NLRC4: variants seen among roughly 807,000 people sequenced by gnomAD.
NLRC4 encodes NLR family CARD domain containing 4.
Under a neutral mutation model 79.9 loss-of-function variants are expected in NLRC4, and 63 were observed. The ratio of observed to expected loss-of-function variants is 0.79; its 90% confidence interval spans 0.64 to 0.97. The LOEUF is 0.97. NLRC4 is among the 50% of genes least tolerant of loss of function. The pLI is 0.00. For missense variants in NLRC4, 1,074 were observed against 1,215.2 expected (o/e 0.88, Z 1.73); for synonymous variants, 461 against 456.5 (o/e 1.01, Z -0.12).
At chr2:32,243,859 T>C (rs1050139806) in intron 4 of NLRC4, among the ~76,000 whole-genome samples, 2 of 151,336 alleles carry the variant, frequency 1.3e-5, no homozygotes, top group African/African-American at 4.9e-5. Flanking sequence ...GAATGCAGGA[T>C]GCTCAATATG....
chr2:32,240,027 C>T (rs1686758975), intron 5 of NLRC4, among the ~76,000 whole-genome samples: 1 of 152,180 alleles, frequency 6.6e-6, no homozygotes, highest in Admixed American at 6.5e-5. Context: ...GTCACCGAGG[C>T]TGGAGTGCAG....
intron 2 of NLRC4, among the ~76,000 whole-genome samples, 194 bp downstream of exon 2, chr2:32,256,581 T>G (rs1487210739): frequency 1.3e-5 from 2 of 152,212 alleles, no homozygotes; most frequent in African/African-American, 4.8e-5. Flanking sequence ...GTAAGTCCTA[T>G]CCTATCTGTG....
Position 32,251,261 on chromosome 2 carries a change from G to A in NLRC4, c.603C>T (p.Phe201=), listed in dbSNP as rs2148942969. The A allele has an allele frequency of 6.2e-7, 1 of 1,614,194 alleles. No homozygotes were observed. The highest frequency in any genetic ancestry group is 8.5e-7 in the Non-Finnish European group (1 of 1,180,036). The part of the protein sequence containing the change: ...CKALTKFKFV[F]FLRLSRAQGG... ...CCTGGGCCCTGCTGAGACGGAGGAAGAAGACGAATTTGAACTTGGTCAGAG... is the reference window on the plus strand; with the variant it reads ...CCTGGGCCCTGCTGAGACGGAGGAAAAAGACGAATTTGAACTTGGTCAGAG... Residue 201 remains phenylalanine (F), a synonymous_variant, in exon 4 of 9, where the codon TTC becomes TTT. Coordinates refer to ENST00000402280, the MANE Select transcript of NLRC4 (RefSeq NM_001199138.2).
At chr2:32,244,163 T>TGAGG (rs1429967699) in intron 4 of NLRC4, among the ~76,000 whole-genome samples, 21 of 152,098 alleles carry the variant, frequency 1.4e-4, no homozygotes, top group Non-Finnish European at 2.8e-4. Context: ...GGTGGGTGGA[T>TGAGG]CTGTTGAGCC....
chr2:32,248,352 T>G (rs1288129001), intron 4 of NLRC4, among the ~76,000 whole-genome samples: 1 of 152,038 alleles, frequency 6.6e-6, no homozygotes, highest in African/African-American at 2.4e-5. Flanking sequence ...CAAACACACA[T>G]CATTATACTC....
chr2:32,259,396 C>A (rs1237975155), intron 1 of NLRC4, among the ~76,000 whole-genome samples: 1 of 150,536 alleles, frequency 6.6e-6, no homozygotes, highest in Non-Finnish European at 1.5e-5. Context: ...GAATGAGCCA[C>A]CGCGTCTGGC....
At chr2:32,247,893 T>C (rs1405102746) in intron 4 of NLRC4, among the ~76,000 whole-genome samples, 1 of 152,024 alleles carries the variant, frequency 6.6e-6, no homozygotes, top group Non-Finnish European at 1.5e-5. Context: ...GGCCATTATC[T>C]TAGGTGAAAT....
chr2:32,235,865 A>G (rs212716), intron 7 of NLRC4, among the ~76,000 whole-genome samples: 88,216 of 152,038 alleles, frequency 0.58, 25,900 homozygotes, highest in Non-Finnish European at 0.6. Flanking sequence ...AAAGCAAATC[A>G]TGGACAATAT....
intron 2 of NLRC4, among the ~76,000 whole-genome samples, chr2:32,255,399 A>AATCCCAGCTACTCGGGAGGCTGAGGC (rs1687182437): frequency 6.6e-6 from 1 of 152,012 alleles, no homozygotes. Flanking sequence ...ACATGCCTGT[A>AATCCCAGCTACTCGGGAGGCTGAGGC]ATCCCAGCTA....
intron 4 of NLRC4, among the ~76,000 whole-genome samples, chr2:32,248,733 T>C (rs1277329965): frequency 6.7e-6 from 1 of 150,162 alleles, no homozygotes; most frequent in Non-Finnish European, 1.5e-5. Flanking sequence ...ACCACTGCAC[T>C]CCCACCTGGG....
intron 4 of NLRC4, among the ~76,000 whole-genome samples, chr2:32,242,431 G>GA (rs1686827931): frequency 6.6e-6 from 1 of 152,088 alleles, no homozygotes; most frequent in Admixed American, 6.6e-5. Context: ...CCAATTTTTT[G>GA]AAAACCACAA....
Position 32,224,705 on chromosome 2 carries a change from C to T in NLRC4, c.2843G>A (p.Arg948His), listed in dbSNP as rs186759526. Reference sequence around the variant, plus strand: ...GGCAAGCCATCCATCACTGCTCACACGATTTCCCGCCAAATTCAACTGCTG... The same window carrying T: ...GGCAAGCCATCCATCACTGCTCACATGATTTCCCGCCAAATTCAACTGCTG... ...NFQQLNLAGN[R>H]VSSDGWLAFM... is the part of the protein sequence containing the mutation. The change falls in exon 9 of 9, where the codon CGT (arginine) becomes CAT (histidine). Residue 948 changes from arginine (R) to histidine (H), a missense_variant. Coordinates refer to ENST00000402280, the MANE Select transcript of NLRC4 (RefSeq NM_001199138.2). 52 of 1,604,518 alleles carry T rather than the reference C, an allele frequency of 3.2e-5. 1 individual carries two copies. The highest frequency in any genetic ancestry group is 2.2e-4 in the Admixed American group (13 of 57,836).
At position 32,250,178 on chromosome 2, in the gene NLRC4, A is replaced by G; in HGVS notation, c.1686T>C (p.Tyr562=). 6.2e-7 allele frequency: 1 copy of G among 1,614,238 alleles called. No homozygotes were observed. Among genetic ancestry groups the G allele is most frequent in the Non-Finnish European group, 8.5e-7 (1 of 1,180,044 alleles). Residue 562 remains tyrosine (Y), a synonymous_variant, in exon 4 of 9, where the codon TAT becomes TAC. Transcript: ENST00000402280. The surrounding 1 kb of genome is among the most constrained non-coding windows in gnomAD (Gnocchi z 4.9). ...GGGCTGATTTGGATGTACTCTCTTG[A>G]TATAAATGGATGCCACACTCTACAA... The part of the protein sequence containing the change: ...NSFVECGIHL[Y]QESTSKSALS...
chr2:32,245,034 G>A (rs1686899526), intron 4 of NLRC4, among the ~76,000 whole-genome samples: 1 of 152,066 alleles, frequency 6.6e-6, no homozygotes, highest in Non-Finnish European at 1.5e-5. Context: ...TATAGACCGG[G>A]CACGGTGGCT....
chr2:32,251,663 T>C (rs1390949040), intron 3 of NLRC4, 62 bp from the exon 4 acceptor site: 9 of 1,151,056 alleles, frequency 7.8e-6, no homozygotes, highest in Admixed American at 6.6e-5. Flanking sequence ...AACCTAGAGT[T>C]CAGGAGGATG....
rs1686657101 is a variant in NLRC4, at chr2:32,235,685, G to A, written c.2615-117C>T. 3 of 793,822 alleles carry A rather than the reference G, an allele frequency of 3.8e-6. No individual in the cohort carries two copies. In the East Asian group the frequency reaches 8.2e-5, roughly 22 times the overall value. The allele number at this position is 793,822 out of a possible 1,614,324, so 49.2% of individuals were successfully genotyped here. ...GGTGGCTCTGCAGCCTACTCAATCT[G>A]TAATGAGAATCTACTTAATTTTTGG... On this transcript the variant is annotated intron_variant, in intron 7 of 8. Coordinates refer to ENST00000402280, the MANE Select transcript of NLRC4 (RefSeq NM_001199138.2).
chr2:32,224,923 C>T (rs1392273144), intron 8 of NLRC4, among the ~76,000 whole-genome samples, 158 bp from the exon 9 acceptor site: 1 of 151,860 alleles, frequency 6.6e-6, no homozygotes, highest in African/African-American at 2.4e-5. Context: ...ATATAATTCT[C>T]TATAGCTAGG....
intron 8 of NLRC4, among the ~76,000 whole-genome samples, chr2:32,226,340 T>A (rs1686396857): frequency 6.6e-6 from 1 of 152,218 alleles, no homozygotes; most frequent in African/African-American, 2.4e-5. Context: ...GAGTGTGTCC[T>A]TAGTCAATGT....
intron 1 of NLRC4, among the ~76,000 whole-genome samples, chr2:32,261,316 C>CTTGTTTTTTTTTTTTTTT: frequency 1.0e-5 from 1 of 96,924 alleles, no homozygotes; most frequent in Non-Finnish European, 2.1e-5. Flanking sequence ...AGCCTCCCCC[C>CTTGTTTTTTTTTTTTTTT]TTTTGTTTTT....
Sources: allele counts gnomAD v4.1 joint callset (sites outside exome capture counted in the v4.1 genomes callset), GRCh38; gene constraint gnomAD v4.1.1; non-coding constraint Gnocchi (gnomAD v3.1); transcripts MANE v1.5; gene names NCBI Gene and HGNC (gene_info 2026-07-23, HGNC 2026-07-21).